The following PTN variants were observed in gnomAD, a reference collection of about 807,000 sequenced individuals.
PTN encodes heparin affin regulatory protein.
A neutral mutation model predicts 24.1 loss-of-function variants in PTN; 18 were observed. The ratio of observed to expected loss-of-function variants is 0.75; its 90% confidence interval spans 0.52 to 1.11. The LOEUF (loss-of-function observed/expected upper bound fraction) is 1.11, where lower values mean the gene tolerates loss of function less well. Among genes scored for constraint, PTN ranks in the 50% least tolerant of loss-of-function variants. The pLI is 0.00. For synonymous variants in PTN, 78 were observed against 68.6 expected (o/e 1.14, Z -0.67); for missense variants, 163 against 198.8 (o/e 0.82, Z 1.08).
At chr7:137,317,262 T>A (rs1212348528) in intron 1 of PTN, among the ~76,000 whole-genome samples, 1 of 152,188 alleles carries the variant, frequency 6.6e-6, no homozygotes, top group Non-Finnish European at 1.5e-5. Flanking sequence ...GCTTTCTTCA[T>A]TCCACCTTTG....
At chr7:137,339,397 T>C (rs2128884054) in intron 1 of PTN, among the ~76,000 whole-genome samples, 1 of 152,078 alleles carries the variant, frequency 6.6e-6, no homozygotes, top group Admixed American at 6.6e-5. Flanking sequence ...TTAAATTGGC[T>C]GGCCACAGGA....
chr7:137,311,830 T>G (rs550982654), intron 1 of PTN, among the ~76,000 whole-genome samples: 6 of 147,132 alleles, frequency 4.1e-5, no homozygotes, highest in Non-Finnish European at 8.8e-5. Context: ...ATAATGGTAA[T>G]AAAAATTTTG....
intron 1 of PTN, among the ~76,000 whole-genome samples, chr7:137,339,334 A>C (rs1810496680): frequency 1.3e-5 from 2 of 152,090 alleles, no homozygotes; most frequent in South Asian, 2.1e-4. Flanking sequence ...AACATGCTAC[A>C]TTGTCCAGCA....
Position 137,329,103 on chromosome 7 carries a change from C to T in PTN, c.-2+14336G>A, listed in dbSNP as rs1254350466. Among the ~76,000 whole-genome samples the T allele has an allele frequency of 2.0e-5, 3 of 152,036 alleles. No individual in the cohort carries two copies. The South Asian group carries it at 6.2e-4, about 32-fold the overall frequency. ...ACAAGTTACTTCTGAGATACATTTCCCTCATTTAGGAAGAAAAATAGTCTT... is the reference window on the plus strand; with the variant it reads ...ACAAGTTACTTCTGAGATACATTTCTCTCATTTAGGAAGAAAAATAGTCTT... On this transcript the variant is annotated intron_variant, in intron 1 of 4. Transcript: ENST00000348225.
intron 1 of PTN, among the ~76,000 whole-genome samples, chr7:137,278,490 G>A (rs1809408968): frequency 2.0e-5 from 3 of 152,036 alleles, no homozygotes; most frequent in Admixed American, 2.0e-4. Flanking sequence ...AAATAGTCAT[G>A]AGAAAGATCG....
intron 1 of PTN, among the ~76,000 whole-genome samples, chr7:137,305,346 A>G (rs1809870514): frequency 6.6e-6 from 1 of 152,012 alleles, no homozygotes. Flanking sequence ...AAGCATTTTC[A>G]TTCTGTATGA....
chr7:137,279,254 A>G (rs1359971576), intron 1 of PTN, among the ~76,000 whole-genome samples: 5 of 152,190 alleles, frequency 3.3e-5, no homozygotes, highest in African/African-American at 1.2e-4. Context: ...TGATTTAACA[A>G]TTGAATGTCC....
intron 1 of PTN, among the ~76,000 whole-genome samples, chr7:137,282,382 T>C (rs1034983114): frequency 7.2e-5 from 11 of 152,180 alleles, no homozygotes; most frequent in African/African-American, 2.7e-4. Flanking sequence ...CATAATCTTA[T>C]ACAAATAGAT....
In PTN at chr7:137,251,310, C is replaced by T. The variant is rs751833739; in HGVS notation, c.371G>A (p.Arg124Gln). The change falls in exon 4 of 5, where the codon CGA (arginine) becomes CAA (glutamine). Residue 124 changes from arginine to glutamine, a missense_variant. Transcript: ENST00000348225. ...CTGGCATTCGGCATTGTGCAGGGCT[C>T]GCTTCAGACTTCCAGTTCTGGTCTT... ...ALKTRTGSLK[R>Q]ALHNAECQKT... 15 of 1,613,992 alleles carry T rather than the reference C, an allele frequency of 9.3e-6. No individual in the cohort carries two copies. Among genetic ancestry groups the T allele is most frequent in the Middle Eastern group, 1.6e-4 (1 of 6,074 alleles).
intron 4 of PTN, among the ~76,000 whole-genome samples, chr7:137,247,601 G>A (rs1456607242): frequency 6.6e-6 from 1 of 152,176 alleles, no homozygotes; most frequent in African/African-American, 2.4e-5. Context: ...TAGCACAACA[G>A]GGTGACTATA....
chr7:137,232,541 T>C (rs1052921968), intron 4 of PTN, among the ~76,000 whole-genome samples: 1 of 151,966 alleles, frequency 6.6e-6, no homozygotes, highest in African/African-American at 2.4e-5. Flanking sequence ...AAAAGTACTC[T>C]AGAAAGGATT....
At chr7:137,239,418 A>T (rs1368774844) in intron 4 of PTN, among the ~76,000 whole-genome samples, 1 of 146,834 alleles carries the variant, frequency 6.8e-6, no homozygotes, top group African/African-American at 2.5e-5. Context: ...TTATTATTAT[A>T]CTTTAAGTTT....
chr7:137,253,225 G>C (rs926871458), intron 3 of PTN, among the ~76,000 whole-genome samples: 1 of 152,100 alleles, frequency 6.6e-6, no homozygotes, highest in African/African-American at 2.4e-5. Flanking sequence ...GAGCGGGTGA[G>C]GAATGCTACC....
intron 1 of PTN, among the ~76,000 whole-genome samples, chr7:137,319,871 C>T (rs1810135765): frequency 6.6e-6 from 1 of 152,148 alleles, no homozygotes; most frequent in East Asian, 1.9e-4. Context: ...GTGTAACATC[C>T]AAGGGCCAAA....
At chr7:137,323,505 C>T (rs1211120056) in intron 1 of PTN, among the ~76,000 whole-genome samples, 5 of 152,184 alleles carry the variant, frequency 3.3e-5, no homozygotes, top group East Asian at 1.9e-4. Flanking sequence ...AATACCTTAA[C>T]GTGTGAAAGA....
intron 4 of PTN, among the ~76,000 whole-genome samples, chr7:137,238,227 G>A (rs1177425484): frequency 6.6e-6 from 1 of 152,148 alleles, no homozygotes; most frequent in African/African-American, 2.4e-5. Context: ...TACCAGGACA[G>A]CCATCCCTCA....
intron 1 of PTN, among the ~76,000 whole-genome samples, chr7:137,312,541 C>T (rs371463184): frequency 6.6e-6 from 1 of 152,218 alleles, no homozygotes; most frequent in East Asian, 1.9e-4. Flanking sequence ...TCCAATTCAG[C>T]TTAAACAGTT....
chr7:137,291,740 A>G (rs935174170), intron 1 of PTN, among the ~76,000 whole-genome samples: 4 of 152,092 alleles, frequency 2.6e-5, no homozygotes, highest in African/African-American at 9.7e-5. Context: ...GCTCCTACTG[A>G]AGTAAGTTAA....
chr7:137,252,442 A>G (rs322296), intron 3 of PTN, among the ~76,000 whole-genome samples: 18,448 of 151,652 alleles, frequency 0.12, 1,453 homozygotes, highest in African/African-American at 0.17. Context: ...GTTGAGTTTG[A>G]GAGTTATTTA....
Sources: gnomAD v4.1 joint callset for allele counts (sites outside exome capture counted in the v4.1 genomes callset) on GRCh38, gnomAD v4.1.1 for gene constraint, MANE v1.5 for transcripts, NCBI Gene and HGNC (gene_info 2026-07-23, HGNC 2026-07-21) for gene names.